Variants in CTNND2 observed in about 807,000 individuals in gnomAD.
CTNND2 encodes the protein catenin delta-2.
In CTNND2, 22 loss-of-function variants were observed where a neutral mutation model predicts 144.4. That is an observed-to-expected ratio of 0.15 (90% CI 0.11 to 0.22). CTNND2 has a LOEUF of 0.22. CTNND2 is among the 10% of genes least tolerant of loss of function. CTNND2 has a pLI of 1.00. For synonymous variants in CTNND2, 751 were observed against 695.6 expected (o/e 1.08, Z -1.25); for missense variants, 1,353 against 1,618.8 (o/e 0.84, Z 2.82).
At chr5:11,229,647 T>C (rs898249011) in intron 10 of CTNND2, among the ~76,000 whole-genome samples, 1 of 103,796 alleles carries the variant, frequency 9.6e-6, no homozygotes, top group South Asian at 3.1e-4. Flanking sequence ...CCATATTGCG[T>C]GTGTGTGTGT....
intron 2 of CTNND2, among the ~76,000 whole-genome samples, chr5:11,622,372 C>T (rs1780891938): frequency 6.6e-6 from 1 of 152,088 alleles, no homozygotes; most frequent in East Asian, 1.9e-4. Flanking sequence ...AACTAGCCAG[C>T]TTAATATTAA....
intron 3 of CTNND2, among the ~76,000 whole-genome samples, chr5:11,416,018 G>T (rs147925822): frequency 2.0e-5 from 3 of 152,192 alleles, no homozygotes; most frequent in African/African-American, 7.2e-5. Flanking sequence ...TGTAATTAGA[G>T]GGCTGTCTGA....
chr5:11,697,245 TA>T (rs1451819091), intron 2 of CTNND2, among the ~76,000 whole-genome samples: 5 of 152,180 alleles, frequency 3.3e-5, no homozygotes, highest in African/African-American at 9.7e-5. Context: ...CCCCTGATTC[TA>T]ACCATTGGAA....
intron 12 of CTNND2, among the ~76,000 whole-genome samples, chr5:11,143,854 TG>T (rs1459667714): frequency 4.6e-5 from 7 of 152,208 alleles, no homozygotes; most frequent in South Asian, 4.1e-4. Context: ...TGATGTTGGG[TG>T]GGTTTGTCAG....
At chr5:11,669,119 T>A (rs979517668) in intron 2 of CTNND2, among the ~76,000 whole-genome samples, 2 of 152,202 alleles carry the variant, frequency 1.3e-5, no homozygotes, top group Non-Finnish European at 2.9e-5. Context: ...GAAGCCGACT[T>A]GATCGTGGTG....
intron 9 of CTNND2, among the ~76,000 whole-genome samples, chr5:11,322,050 C>T (rs1372058544): frequency 2.6e-5 from 4 of 152,138 alleles, no homozygotes; most frequent in African/African-American, 9.7e-5. Flanking sequence ...TCTATCCCTC[C>T]CTCCACACGA....
At chr5:11,790,073 T>A (rs1172069300) in intron 1 of CTNND2, among the ~76,000 whole-genome samples, 2 of 152,168 alleles carry the variant, frequency 1.3e-5, no homozygotes, top group Non-Finnish European at 2.9e-5. Flanking sequence ...CTATAACTAG[T>A]TTTTATGCTT....
chr5:11,158,362 G>A (rs1462724482), intron 12 of CTNND2, among the ~76,000 whole-genome samples: 1 of 152,154 alleles, frequency 6.6e-6, no homozygotes, highest in African/African-American at 2.4e-5. Context: ...GAATTTAAGG[G>A]GTTATGAAAT....
chr5:11,795,867 G>T (rs1439969671), intron 1 of CTNND2, among the ~76,000 whole-genome samples: 2 of 152,232 alleles, frequency 1.3e-5, no homozygotes, highest in Non-Finnish European at 2.9e-5. Flanking sequence ...GTACATTACA[G>T]TTCTTTAGGT....
intron 3 of CTNND2, among the ~76,000 whole-genome samples, chr5:11,562,797 T>C (rs1000198047): frequency 2.0e-5 from 3 of 152,246 alleles, no homozygotes; most frequent in Non-Finnish European, 4.4e-5. Context: ...TGAAATCAAC[T>C]TGAGATGAAT....
At chr5:11,694,628 G>A (rs1353508027) in intron 2 of CTNND2, among the ~76,000 whole-genome samples, 1 of 151,932 alleles carries the variant, frequency 6.6e-6, no homozygotes, top group Non-Finnish European at 1.5e-5. Flanking sequence ...TTAATTTGGG[G>A]GTTATAAATG....
rs71582432 is a variant in CTNND2, at chr5:11,382,595, CTGTGTGTGTGTGTGTGTG to C, written c.1177+2052_1177+2069del. ...CCTGGGCAACCGACAGAGTGAGACT[CTGTGTGTGTGTGTGTGTG>C]TGTGTGTGTGTGTGTGTGTGTGTGT... On this transcript the variant is annotated intron_variant, in intron 7 of 21. Coordinates refer to ENST00000304623, the MANE Select transcript of CTNND2 (RefSeq NM_001332.4). Among the ~76,000 whole-genome samples, 281 of 130,234 alleles carry C rather than the reference CTGTGTGTGTGTGTGTGTG, an allele frequency of 2.2e-3. 1 individual carries two copies. The highest frequency in any genetic ancestry group is 3.3e-3 in the East Asian group (15 of 4,582). 85.4% of individuals were successfully genotyped at this position (130,234 alleles called of 152,430 possible). A position where few individuals can be genotyped will look rare whatever the true frequency, so the allele number is the denominator to read the frequency against.
intron 1 of CTNND2, among the ~76,000 whole-genome samples, chr5:11,757,780 G>A (rs540264855): frequency 6.6e-6 from 1 of 151,922 alleles, no homozygotes; most frequent in African/African-American, 2.4e-5. Flanking sequence ...ACTTGTCAAA[G>A]TAGTGTTGTT....
At chr5:11,776,912 A>C (rs2126838513) in intron 1 of CTNND2, among the ~76,000 whole-genome samples, 1 of 152,334 alleles carries the variant, frequency 6.6e-6, no homozygotes, top group Admixed American at 6.5e-5. Context: ...CCCATAATAA[A>C]TCATTAGGCA....
chr5:11,462,570 C>G (rs577057244), intron 3 of CTNND2, among the ~76,000 whole-genome samples: 42 of 150,888 alleles, frequency 2.8e-4, no homozygotes, highest in African/African-American at 9.3e-4. Context: ...CCCAGAGTAA[C>G]AGAAGAATAT....
At chr5:11,528,203 G>A (rs150029502) in intron 3 of CTNND2, among the ~76,000 whole-genome samples, 1 of 152,254 alleles carries the variant, frequency 6.6e-6, no homozygotes, top group East Asian at 1.9e-4. Flanking sequence ...CAAATGACAA[G>A]ATCATCCATC....
intron 8 of CTNND2, among the ~76,000 whole-genome samples, chr5:11,353,788 A>G (rs1432096773): frequency 6.6e-6 from 1 of 151,514 alleles, no homozygotes; most frequent in Non-Finnish European, 1.5e-5. Context: ...GGGCGACAAG[A>G]GCAAGACTCC....
chr5:11,638,113 C>A (rs1781808077), intron 2 of CTNND2, among the ~76,000 whole-genome samples: 1 of 152,160 alleles, frequency 6.6e-6, no homozygotes, highest in African/African-American at 2.4e-5. Flanking sequence ...GCTGAGGGGG[C>A]AGTGTTTCCC....
intron 11 of CTNND2, among the ~76,000 whole-genome samples, chr5:11,174,672 A>G (rs1160621512): frequency 1.3e-5 from 2 of 152,204 alleles, no homozygotes; most frequent in African/African-American, 4.8e-5. Context: ...CCAGTTGATC[A>G]TTATGGCACG....
Sources: allele counts gnomAD v4.1 joint callset (sites outside exome capture counted in the v4.1 genomes callset), GRCh38; gene constraint gnomAD v4.1.1; transcripts MANE v1.5; gene names NCBI Gene and HGNC (gene_info 2026-07-23, HGNC 2026-07-21).